The following MSH3 variants were observed in gnomAD, a reference collection of about 807,000 sequenced individuals.
MSH3 encodes the protein mutS homolog 3.
Under a neutral mutation model 123.3 loss-of-function variants are expected in MSH3, and 106 were observed. That is an observed-to-expected ratio of 0.86 (90% confidence interval 0.73 to 1.01). The LOEUF is 1.01. MSH3 is among the 50% of genes least tolerant of loss of function. MSH3 has a pLI of 0.00. For missense variants in MSH3, 1,459 were observed against 1,347.6 expected (o/e 1.08, Z -1.29); for synonymous variants, 515 against 481.4 (o/e 1.07, Z -0.91).
At chr5:80,853,194 G>A (rs968321074) in intron 20 of MSH3, among the ~76,000 whole-genome samples, 1 of 152,158 alleles carries the variant, frequency 6.6e-6, no homozygotes, top group Non-Finnish European at 1.5e-5. Flanking sequence ...TGCACTGGCT[G>A]GGCACGGTGG....
chr5:80,729,460 G>GTGTATATATATATATATA (rs1277559108), intron 10 of MSH3, among the ~76,000 whole-genome samples: 3 of 95,032 alleles, frequency 3.2e-5, no homozygotes, highest in South Asian at 4.1e-4. Flanking sequence ...GTGTGTGTGT[G>GTGTATATATATATATATA]TATATATATA....
At chr5:80,819,479 T>A (rs1745166515) in intron 20 of MSH3, among the ~76,000 whole-genome samples, 1 of 148,460 alleles carries the variant, frequency 6.7e-6, no homozygotes, top group African/African-American at 2.5e-5. Context: ...TATATATATA[T>A]AATTTTTTTT....
At chr5:80,859,162 C>A (rs1745968445) in intron 21 of MSH3, among the ~76,000 whole-genome samples, 1 of 151,898 alleles carries the variant, frequency 6.6e-6, no homozygotes, top group African/African-American at 2.4e-5. Flanking sequence ...ACTCTGTCAC[C>A]CAGGCTGGAG....
chr5:80,654,899 G>C lies in MSH3; in HGVS notation c.172G>C (p.Ala58Pro), dbSNP rs148550291. ...TGGCGCTGCAGCGGCTGCAGCGGCC[G>C]CAGCGGCCGCAGCGCCCCCAGCGCC... The part of the protein sequence containing the change: ...DPGAAAAAAA[A>P]AAAAPPAPPA... Residue 58 changes from alanine (A) to proline (P), a missense_variant, in exon 1 of 24, where the codon GCA becomes CCA. Transcript: ENST00000265081. 8.8e-6 allele frequency: 13 copies of C among 1,474,790 alleles called. No individual in the cohort carries two copies. Among genetic ancestry groups the C allele is most frequent in the African/African-American group, 8.7e-5 (4 of 46,014 alleles). The allele number at this position is 1,474,790 out of a possible 1,614,324, so 91.4% of individuals were successfully genotyped here.
rs1745050256 is a variant in MSH3 at position 80,813,719 on chromosome 5, A to C, written c.2791A>C (p.Ile931Leu). 1.2e-6 allele frequency: 2 copies of C among 1,614,044 alleles called. No homozygotes were observed. Among genetic ancestry groups the C allele is most frequent in the African/African-American group, 2.7e-5 (2 of 74,928 alleles). ...TCCTGCAGAAGAAGCGACAATTGGG[A>C]TTGTGGATGGCATTTTCACAAGGTA... Reference protein sequence around the residue: ...YVPAEEATIGIVDGIFTRMGA... With the variant: ...YVPAEEATIGLVDGIFTRMGA... The change falls in exon 20 of 24, where the codon ATT becomes CTT. Residue 931 changes from isoleucine to leucine, a missense_variant. Physicochemically the swap from Ile to Leu is conservative, Grantham distance 5. Coordinates refer to ENST00000265081, the MANE Select transcript of MSH3 (RefSeq NM_002439.5).
rs2112808953 is a variant in MSH3 at position 80,665,334 on chromosome 5, G to A, written c.550G>A (p.Glu184Lys). ...LLHAKNAVSS[E>K]DSKRQINQKD... The stretch of plus-strand genomic sequence containing the variant: ...ACACGCAAAGAATGCAGTTTCTTCT[G>A]AAGATTCGAAACGTCAAATTAATCA... Residue 184 changes from glutamate (E) to lysine (K), a missense_variant, in exon 3 of 24, where the codon GAA (glutamate) becomes AAA (lysine). Transcript: ENST00000265081. The A allele has an allele frequency of 6.2e-7, 1 of 1,612,926 alleles. No homozygotes were observed. Among genetic ancestry groups the A allele is most frequent in the Non-Finnish European group, 8.5e-7 (1 of 1,179,904 alleles).
At chr5:80,873,562 A>G (rs1387049107) in intron 23 of MSH3, among the ~76,000 whole-genome samples, 1 of 152,208 alleles carries the variant, frequency 6.6e-6, no homozygotes, top group Non-Finnish European at 1.5e-5. Context: ...CACATTCATT[A>G]CTTTAAAGAT....
At chr5:80,836,018 G>A (rs1382250245) in intron 20 of MSH3, among the ~76,000 whole-genome samples, 1 of 151,836 alleles carries the variant, frequency 6.6e-6, no homozygotes, top group African/African-American at 2.4e-5. Flanking sequence ...ACACCAAAAA[G>A]TACTTTTTGA....
At position 80,679,110 on chromosome 5, in the gene MSH3, C is replaced by A; in HGVS notation, c.1340+17C>A. On this transcript the variant is annotated intron_variant, in intron 8 of 23. Transcript: ENST00000265081. ...ATCTGTTAGGTAAGTTGGCACATCA[C>A]TGGAATATAATACCGATTCTGAAAC... The A allele has an allele frequency of 6.2e-7, 1 of 1,612,724 alleles. No individual in the cohort carries two copies.
chr5:80,804,277 T>C (rs868705465), intron 19 of MSH3, among the ~76,000 whole-genome samples: 1 of 152,266 alleles, frequency 6.6e-6, no homozygotes, highest in Non-Finnish European at 1.5e-5. Context: ...ACATAGGTTG[T>C]AGTCAGACAG....
intron 8 of MSH3, among the ~76,000 whole-genome samples, chr5:80,703,021 CAA>C (rs991430716): frequency 1.3e-5 from 2 of 152,122 alleles, no homozygotes; most frequent in Non-Finnish European, 2.9e-5. Context: ...AGCAACAAAA[CAA>C]AAATAAAAAC....
intron 19 of MSH3, among the ~76,000 whole-genome samples, chr5:80,804,400 A>G (rs749572889): frequency 1.3e-5 from 2 of 152,140 alleles, no homozygotes; most frequent in African/African-American, 2.4e-5. Flanking sequence ...GCTTGTTTGT[A>G]CTTGTTCTTG....
intron 21 of MSH3, among the ~76,000 whole-genome samples, chr5:80,860,162 T>C (rs1732355492): frequency 6.6e-6 from 1 of 152,158 alleles, no homozygotes; most frequent in Non-Finnish European, 1.5e-5. Flanking sequence ...GCTATTATTA[T>C]TGTGAACAAA....
At chr5:80,827,591 G>T (rs1350659970) in intron 20 of MSH3, among the ~76,000 whole-genome samples, 1 of 147,634 alleles carries the variant, frequency 6.8e-6, no homozygotes, top group Non-Finnish European at 1.5e-5. Flanking sequence ...TGATAAGTGA[G>T]CACTAAATGA....
chr5:80,799,325 G>C (rs1333382040), intron 19 of MSH3, among the ~76,000 whole-genome samples: 1 of 152,070 alleles, frequency 6.6e-6, no homozygotes, highest in African/African-American at 2.4e-5. Flanking sequence ...TCTGGAGGAG[G>C]CTTTGACTCA....
chr5:80,806,155 A>G (rs534249117), intron 19 of MSH3, among the ~76,000 whole-genome samples: 37 of 152,068 alleles, frequency 2.4e-4, no homozygotes, highest in African/African-American at 8.4e-4. Flanking sequence ...CTGGAGTGCA[A>G]TGGCGCGATC....
intron 6 of MSH3, 110 bp from the exon 7 acceptor site, chr5:80,674,873 C>G: frequency 1.0e-6 from 1 of 985,230 alleles, no homozygotes; most frequent in Non-Finnish European, 1.5e-6. Flanking sequence ...AGCCACTGCG[C>G]CTGGCTGTGA....
intron 10 of MSH3, among the ~76,000 whole-genome samples, chr5:80,737,569 T>G (rs552736173): frequency 1.3e-5 from 2 of 152,258 alleles, no homozygotes; most frequent in Non-Finnish European, 2.9e-5. Flanking sequence ...AGAATTTGTC[T>G]TCTTCTACAA....
chr5:80,828,562 A>G (rs1290356133), intron 20 of MSH3, among the ~76,000 whole-genome samples: 1 of 152,236 alleles, frequency 6.6e-6, no homozygotes, highest in Admixed American at 6.5e-5. Context: ...CTAGAGTCTC[A>G]TCGAATCAGA....
Sources: gnomAD v4.1 joint callset for allele counts (sites outside exome capture counted in the v4.1 genomes callset) on GRCh38, gnomAD v4.1.1 for gene constraint, MANE v1.5 for transcripts, NCBI Gene and HGNC (gene_info 2026-07-23, HGNC 2026-07-21) for gene names.